CADM2: variants seen among roughly 807,000 people sequenced by gnomAD.
CADM2 encodes immunoglobulin superfamily member 4D.
CADM2 carries 12 observed loss-of-function variants against 49.8 expected under a neutral mutation model. The observed-to-expected ratio is 0.24, with a 90% CI of 0.15 to 0.39. The LOEUF is 0.39. Among genes scored for constraint, CADM2 ranks in the 10% least tolerant of loss-of-function variants. CADM2 has a pLI of 1.00. For missense variants in CADM2, 378 were observed against 492.3 expected, an observed-to-expected ratio of 0.77 and a Z score of 2.20; for synonymous variants, 214 against 175.4, an observed-to-expected ratio of 1.22 and a Z score of -1.74.
At chr3:84,972,025 A>G (rs1192335629) in intron 1 of CADM2, among the ~76,000 whole-genome samples, 1 of 152,130 alleles carries the variant, frequency 6.6e-6, no homozygotes, top group Non-Finnish European at 1.5e-5. Context: ...GGGAGGAGCT[A>G]TCAATGGACT....
chr3:85,692,981 G>A (rs1577097278), intron 1 of CADM2, among the ~76,000 whole-genome samples: 3 of 152,072 alleles, frequency 2.0e-5, no homozygotes, highest in Admixed American at 2.0e-4. Context: ...TGTAATCCCA[G>A]CGCTTTGTGA....
chr3:85,698,422 C>T (rs932949985), intron 1 of CADM2, among the ~76,000 whole-genome samples: 5 of 152,060 alleles, frequency 3.3e-5, no homozygotes, highest in African/African-American at 4.8e-5. Context: ...TAAAGAAATA[C>T]GTGAGACTGG....
intron 1 of CADM2, among the ~76,000 whole-genome samples, chr3:85,048,979 G>A (rs2035772767): frequency 6.6e-6 from 1 of 152,114 alleles, no homozygotes; most frequent in East Asian, 1.9e-4. Context: ...AGCATTTAAA[G>A]TTTATTAGGG....
chr3:85,842,979 A>T lies in CADM2; in HGVS notation c.239-40312A>T, dbSNP rs73147119. ...ATTCATATAACTGCCAGTTACAGGT[A>T]AAAGCAAAACATAAATAAATAATTG... On this transcript the variant is annotated intron_variant, in intron 3 of 9. Transcript: ENST00000383699. Among the ~76,000 whole-genome samples the T allele has an allele frequency of 9.0e-3, 1,372 of 152,256 alleles. 15 individuals carry two copies. The highest frequency in any genetic ancestry group is 0.041 in the Middle Eastern group (12 of 294).
At chr3:85,719,825 T>C (rs977622684) in intron 1 of CADM2, among the ~76,000 whole-genome samples, 3 of 152,074 alleles carry the variant, frequency 2.0e-5, no homozygotes, top group Non-Finnish European at 4.4e-5. Flanking sequence ...GTTAACAGTT[T>C]TTTACTATCA....
intron 1 of CADM2, among the ~76,000 whole-genome samples, chr3:85,399,899 T>C (rs1249303058): frequency 6.6e-6 from 1 of 152,190 alleles, no homozygotes; most frequent in Non-Finnish European, 1.5e-5. Context: ...AAATATACAA[T>C]CATGTCATCT....
chr3:85,979,214 G>A (rs747692436), intron 8 of CADM2: 1 of 1,610,860 alleles, frequency 6.2e-7, no homozygotes, highest in Admixed American at 1.7e-5. Context: ...CCTTACCACT[G>A]CAACAGTCAC....
intron 1 of CADM2, among the ~76,000 whole-genome samples, chr3:85,016,301 A>C (rs775795512): frequency 1.2e-4 from 19 of 152,222 alleles, no homozygotes; most frequent in Non-Finnish European, 2.8e-4. Context: ...TTTATTATTG[A>C]AAAAGTAAAA....
At chr3:85,106,617 A>T (rs978818826) in intron 1 of CADM2, among the ~76,000 whole-genome samples, 8 of 152,204 alleles carry the variant, frequency 5.3e-5, no homozygotes, top group African/African-American at 1.9e-4. Context: ...TCTAATGTAA[A>T]ATATATCCAT....
chr3:85,783,457 A>G (rs1426414394), intron 2 of CADM2, among the ~76,000 whole-genome samples: 1 of 152,196 alleles, frequency 6.6e-6, no homozygotes, highest in African/African-American at 2.4e-5. Flanking sequence ...AAAAGGGTCC[A>G]TAAGGTTCCC....
intron 1 of CADM2, among the ~76,000 whole-genome samples, chr3:85,008,009 A>C (rs1358862257): frequency 6.6e-6 from 1 of 152,196 alleles, no homozygotes; most frequent in East Asian, 1.9e-4. Context: ...TTCATAATTC[A>C]TAAATATTCC....
chr3:85,514,384 G>A (rs1334146437), intron 1 of CADM2, among the ~76,000 whole-genome samples: 1 of 151,930 alleles, frequency 6.6e-6, no homozygotes, highest in African/African-American at 2.4e-5. Context: ...GTACTCACAG[G>A]GATTTAGGAT....
At chr3:85,430,013 T>A (rs1161687335) in intron 1 of CADM2, among the ~76,000 whole-genome samples, 2 of 152,040 alleles carry the variant, frequency 1.3e-5, no homozygotes, top group Admixed American at 1.3e-4. Context: ...AATAACGGGA[T>A]TAGATGGGGA....
rs942625194 is a variant in CADM2 at position 86,013,485 on chromosome 3, C to T, written c.970+51838C>T. 38 of 1,602,356 alleles carry T rather than the reference C, an allele frequency of 2.4e-5. No homozygotes were observed. In the Admixed American group the frequency reaches 4.8e-4, roughly 20 times the overall value. Reference sequence around the variant, plus strand: ...CCAGATAAATTCTGGTGAAGAGGTTCTGAGAAAGCGCTTTGAGACAACAGC... The same window carrying T: ...CCAGATAAATTCTGGTGAAGAGGTTTTGAGAAAGCGCTTTGAGACAACAGC... On this transcript the variant is annotated intron_variant, in intron 8 of 9. Transcript: ENST00000383699.
intron 2 of CADM2, among the ~76,000 whole-genome samples, chr3:85,743,695 A>G (rs940339257): frequency 6.6e-6 from 1 of 152,176 alleles, no homozygotes; most frequent in African/African-American, 2.4e-5. Context: ...AAATCCAGAT[A>G]CAGGAATTCA....
At position 86,070,299 on chromosome 3, in the gene CADM2, G is replaced by A. The variant is rs1388361264; in HGVS notation, c.*3516G>A. The A allele has an allele frequency of 6.6e-6, 1 of 151,906 alleles. No individual in the cohort carries two copies. The highest frequency in any genetic ancestry group is 1.5e-5 in the Non-Finnish European group (1 of 67,872). The allele number at this position is 151,906 out of a possible 1,614,324, so 9.4% of individuals were successfully genotyped here. ...TAATTATGTACTCATGATTGTAACA[G>A]CATTGAGATTTCATATAGGCACATG... On this transcript the variant is annotated 3_prime_UTR_variant, in exon 10 of 10. Coordinates refer to ENST00000383699, the MANE Select transcript of CADM2 (RefSeq NM_001167675.2).
chr3:85,796,660 T>G (rs558650129), intron 2 of CADM2, among the ~76,000 whole-genome samples: 1 of 152,250 alleles, frequency 6.6e-6, no homozygotes, highest in Admixed American at 6.5e-5. Flanking sequence ...GGAAAGAAAT[T>G]TTCCCCTTCA....
At chr3:84,961,412 G>A (rs900856725) in intron 1 of CADM2, among the ~76,000 whole-genome samples, 1 of 152,282 alleles carries the variant, frequency 6.6e-6, no homozygotes, top group Non-Finnish European at 1.5e-5. Flanking sequence ...GATATGTCAT[G>A]TGTGCCAGAA....
At chr3:85,627,623 A>G (rs932498756) in intron 1 of CADM2, among the ~76,000 whole-genome samples, 1 of 152,008 alleles carries the variant, frequency 6.6e-6, no homozygotes, top group Non-Finnish European at 1.5e-5. Flanking sequence ...TCAAACAAAG[A>G]TAACTATGGC....
Sources: gnomAD v4.1 joint callset for allele counts (sites outside exome capture counted in the v4.1 genomes callset) on GRCh38, gnomAD v4.1.1 for gene constraint, MANE v1.5 for transcripts, NCBI Gene and HGNC (gene_info 2026-07-23, HGNC 2026-07-21) for gene names.